MB21D2: variants seen among roughly 807,000 people sequenced by gnomAD.
MB21D2 encodes nucleotidyltransferase MB21D2.
Under a neutral mutation model 33.3 loss-of-function variants are expected in MB21D2, and 9 were observed. The observed-to-expected ratio is 0.27, with a 90% CI of 0.16 to 0.47. The LOEUF is 0.47. Among genes scored for constraint, MB21D2 ranks in the 20% least tolerant of loss-of-function variants. The pLI, the probability that MB21D2 is intolerant of heterozygous loss-of-function variation, is 0.99. For missense variants in MB21D2, 540 were observed against 624.6 expected (o/e 0.86, Z 1.44); for synonymous variants, 241 against 236.3 (o/e 1.02, Z -0.18).
intron 1 of MB21D2, among the ~76,000 whole-genome samples, chr3:192,843,435 C>A (rs376107303): frequency 6.6e-6 from 1 of 152,146 alleles, no homozygotes; most frequent in East Asian, 1.9e-4. Flanking sequence ...GTCATCACAG[C>A]GTAGAGGCCA....
chr3:192,900,584 C>T (rs922551903), intron 1 of MB21D2, among the ~76,000 whole-genome samples: 3 of 151,676 alleles, frequency 2.0e-5, no homozygotes, highest in Non-Finnish European at 4.4e-5. Context: ...CTTTGCCCAT[C>T]TCCTAAGACT....
chr3:192,824,889 C>G (rs983827830), intron 1 of MB21D2, among the ~76,000 whole-genome samples: 1 of 152,096 alleles, frequency 6.6e-6, no homozygotes, highest in East Asian at 1.9e-4. Context: ...GCAGAAAGTC[C>G]TAAGAGGTAC....
chr3:192,807,458 G>A (rs920201004), intron 1 of MB21D2, among the ~76,000 whole-genome samples: 3 of 152,060 alleles, frequency 2.0e-5, no homozygotes, highest in Non-Finnish European at 2.9e-5. Context: ...CCATAAGCTT[G>A]TGATGGAGAT....
rs1713735054 is a variant in MB21D2 at position 192,886,459 on chromosome 3, A to T, written c.211+31171T>A. On this transcript the variant is annotated intron_variant, in intron 1 of 1. Coordinates refer to ENST00000392452, the MANE Select transcript of MB21D2 (RefSeq NM_178496.4). ...TACCACGAGTACTCATTTATCCATC[A>T]GCCACCTTTAGCAAATCTTGACACT... Among the ~76,000 whole-genome samples, 2 of 152,120 alleles carry T rather than the reference A, an allele frequency of 1.3e-5. 1 individual carries two copies. Among genetic ancestry groups the T allele is most frequent in the African/African-American group, 4.8e-5 (2 of 41,378 alleles).
chr3:192,887,984 C>T (rs374841135), intron 1 of MB21D2, among the ~76,000 whole-genome samples: 30 of 152,060 alleles, frequency 2.0e-4, no homozygotes, highest in East Asian at 1.2e-3. Context: ...ACAGGGGACG[C>T]GTAGGCTGCA....
At chr3:192,855,349 G>A (rs1446735593) in intron 1 of MB21D2, among the ~76,000 whole-genome samples, 3 of 152,130 alleles carry the variant, frequency 2.0e-5, no homozygotes, top group South Asian at 2.1e-4. Flanking sequence ...TGCCTGCCTC[G>A]GGCTCCCAAA....
At chr3:192,906,737 G>A (rs1297112155) in intron 1 of MB21D2, among the ~76,000 whole-genome samples, 4 of 152,218 alleles carry the variant, frequency 2.6e-5, no homozygotes, top group Middle Eastern at 3.2e-3. Flanking sequence ...AAGATCTATG[G>A]AGGTAGTGGT....
chr3:192,851,491 G>GTTTTTTTT (rs34763701), intron 1 of MB21D2, among the ~76,000 whole-genome samples: 6 of 97,624 alleles, frequency 6.1e-5, no homozygotes, highest in Admixed American at 2.4e-4. Context: ...TTTTTTGTCT[G>GTTTTTTTT]TTTTTTTTTT....
At chr3:192,903,641 G>A (rs1404917565) in intron 1 of MB21D2, among the ~76,000 whole-genome samples, 1 of 152,122 alleles carries the variant, frequency 6.6e-6, no homozygotes, top group Non-Finnish European at 1.5e-5. Flanking sequence ...ATAGAGTTTG[G>A]ATATTTGCTC....
intron 1 of MB21D2, among the ~76,000 whole-genome samples, chr3:192,816,942 C>T (rs1711939124): frequency 6.6e-6 from 1 of 152,000 alleles, no homozygotes; most frequent in South Asian, 2.1e-4. Context: ...GAAACAGTTA[C>T]ATAAAGCTCC....
intron 1 of MB21D2, among the ~76,000 whole-genome samples, chr3:192,865,344 G>A (rs989819358): frequency 6.6e-6 from 1 of 152,180 alleles, no homozygotes; most frequent in Non-Finnish European, 1.5e-5. Context: ...TCAGTCTCCT[G>A]CTCCCAGGAT....
intron 1 of MB21D2, among the ~76,000 whole-genome samples, chr3:192,866,046 T>TA (rs149849710): frequency 0.028 from 4,244 of 148,932 alleles, 172 homozygotes; most frequent in East Asian, 0.15. Context: ...AGATCCTGTC[T>TA]AAAAAAATAA....
At chr3:192,870,699 G>GAAAAGAAAA (rs1713272845) in intron 1 of MB21D2, among the ~76,000 whole-genome samples, 1 of 41,670 alleles carries the variant, frequency 2.4e-5, no homozygotes, top group Non-Finnish European at 4.0e-5. Context: ...CGACTCCGTT[G>GAAAAGAAAA]AAAAAAAAAA....
At chr3:192,816,299 C>T (rs1711923019) in intron 1 of MB21D2, among the ~76,000 whole-genome samples, 1 of 151,844 alleles carries the variant, frequency 6.6e-6, no homozygotes, top group Non-Finnish European at 1.5e-5. Flanking sequence ...ATGCAAAAAT[C>T]CCATTTTTAA....
At chr3:192,834,809 C>CTTTTTTT (rs71177378) in intron 1 of MB21D2, among the ~76,000 whole-genome samples, 4 of 119,880 alleles carry the variant, frequency 3.3e-5, no homozygotes, top group African/African-American at 9.8e-5. Context: ...GAGGATTGTT[C>CTTTTTTT]TTTTTTTTTT....
chr3:192,834,955 G>T (rs926285157), intron 1 of MB21D2, among the ~76,000 whole-genome samples: 3 of 150,806 alleles, frequency 2.0e-5, no homozygotes, highest in African/African-American at 7.3e-5. Context: ...GACTACAGGC[G>T]CATGCCACCA....
intron 1 of MB21D2, among the ~76,000 whole-genome samples, chr3:192,885,672 A>G (rs1292381983): frequency 1.3e-5 from 2 of 152,156 alleles, no homozygotes; most frequent in East Asian, 3.8e-4. Flanking sequence ...GGCACAAATG[A>G]CAGGGCAATG....
intron 1 of MB21D2, among the ~76,000 whole-genome samples, chr3:192,903,722 G>A (rs1714149568): frequency 6.6e-6 from 1 of 152,192 alleles, no homozygotes; most frequent in African/African-American, 2.4e-5. Flanking sequence ...GGAGGTGTCT[G>A]GATCATGGGG....
In MB21D2 at chr3:192,798,304, A is replaced by G; in HGVS notation, c.*82T>C. ...CAAATCCAATCTAGGCTGGATATGT[A>G]AAAAACAGAAAGATAGCATCACAAA... On this transcript the variant is annotated 3_prime_UTR_variant, in exon 2 of 2. Coordinates refer to ENST00000392452, the MANE Select transcript of MB21D2 (RefSeq NM_178496.4). The surrounding 1 kb of genome is among the most constrained non-coding windows in gnomAD (Gnocchi z 4.8). 1.4e-6 allele frequency: 2 copies of G among 1,477,194 alleles called. No individual in the cohort carries two copies. The highest frequency in any genetic ancestry group is 9.2e-7 in the Non-Finnish European group (1 of 1,088,578). 91.5% of individuals were successfully genotyped at this position (1,477,194 alleles called of 1,614,324 possible).
Sources: allele counts gnomAD v4.1 joint callset (sites outside exome capture counted in the v4.1 genomes callset), GRCh38; gene constraint gnomAD v4.1.1; non-coding constraint Gnocchi (gnomAD v3.1); transcripts MANE v1.5; gene names NCBI Gene and HGNC (gene_info 2026-07-23, HGNC 2026-07-21).